Variants in KLHL2 observed in about 807,000 individuals in gnomAD.
The protein encoded by KLHL2 is kelch like family member 2, also known as kelch-like protein 2.
Under a neutral mutation model 75.8 loss-of-function variants are expected in KLHL2, and 15 were observed. The observed-to-expected ratio is 0.20, with a 90% confidence interval of 0.13 to 0.30. The LOEUF (loss-of-function observed/expected upper bound fraction) is 0.30. KLHL2 is among the 10% of genes least tolerant of loss of function. The probability of loss-of-function intolerance (pLI) is 1.00; values close to 1 mark genes in which losing one functional copy is unlikely to be tolerated. For missense variants in KLHL2, 381 were observed against 741.0 expected, an observed-to-expected ratio of 0.51 and a Z score of 5.64; for synonymous variants, 214 against 251.9, an observed-to-expected ratio of 0.85 and a Z score of 1.42.
At chr4:165,246,515 G>T (rs1298640582) in intron 4 of KLHL2, among the ~76,000 whole-genome samples, 1 of 152,072 alleles carries the variant, frequency 6.6e-6, no homozygotes, top group African/African-American at 2.4e-5. Context: ...AGTGGCTTGG[G>T]CCTGGGTTGT....
chr4:165,218,220 G>A (rs540690241), intron 1 of KLHL2, among the ~76,000 whole-genome samples: 20 of 152,248 alleles, frequency 1.3e-4, no homozygotes, highest in Non-Finnish European at 2.1e-4. Context: ...GAAAACGTAA[G>A]TCGGATTGTA....
chr4:165,240,567 T>C (rs1456168319), intron 4 of KLHL2: 1 of 149,624 alleles, frequency 6.7e-6, no homozygotes, highest in Non-Finnish European at 1.5e-5. Flanking sequence ...TGGAAGAAAG[T>C]GTTTGGTATA....
At chr4:165,255,575 T>A (rs1741096957) in intron 4 of KLHL2, among the ~76,000 whole-genome samples, 1 of 152,120 alleles carries the variant, frequency 6.6e-6, no homozygotes, top group East Asian at 1.9e-4. Flanking sequence ...AGGAAATGTT[T>A]GTCCTTGGCA....
chr4:165,248,184 G>A (rs1394457455), intron 4 of KLHL2, among the ~76,000 whole-genome samples: 1 of 152,208 alleles, frequency 6.6e-6, no homozygotes, highest in Non-Finnish European at 1.5e-5. Context: ...TTGAGAAAGA[G>A]TGGAGGAGGA....
chr4:165,279,220 G>A (rs1193996289), intron 5 of KLHL2: 2 of 1,527,488 alleles, frequency 1.3e-6, no homozygotes, highest in Admixed American at 3.3e-5. Context: ...TAAGTGGAAG[G>A]CCTGTCTTGG....
chr4:165,311,807 CTCTGTGTGTGTG>C (rs764835577), intron 11 of KLHL2, among the ~76,000 whole-genome samples: 19 of 111,724 alleles, frequency 1.7e-4, no homozygotes, highest in African/African-American at 7.6e-4. Context: ...CCTCCTTTCT[CTCTGTGTGTGTG>C]TGTGTGTGTG....
intron 11 of KLHL2, 77 bp downstream of exon 11, chr4:165,311,642 A>C: frequency 2.0e-6 from 2 of 982,324 alleles, no homozygotes; most frequent in South Asian, 2.9e-5. Context: ...TCTCAACTTT[A>C]GTTTTCTGAA....
chr4:165,312,634 C>G (rs1331148959), intron 11 of KLHL2, among the ~76,000 whole-genome samples: 4 of 152,304 alleles, frequency 2.6e-5, no homozygotes, highest in Non-Finnish European at 5.9e-5. Context: ...AATCCTGCTT[C>G]CCTTGGCTCT....
At chr4:165,311,979 T>C (rs1464277664) in intron 11 of KLHL2, among the ~76,000 whole-genome samples, 6 of 151,902 alleles carry the variant, frequency 3.9e-5, no homozygotes, top group African/African-American at 1.5e-4. Context: ...CAGGGGTGGG[T>C]TGGGGGGATG....
In KLHL2 at chr4:165,247,999, A is replaced by C. The variant is rs552888117; in HGVS notation, c.381+9100A>C. ...TATTGCCACAAAAATGCCACAGAAC[A>C]AAGTATGCCAAAGCTCAGTGGCTTA... On this transcript the variant is annotated intron_variant, in intron 4 of 14. Transcript: ENST00000226725. Among the ~76,000 whole-genome samples the C allele has an allele frequency of 1.6e-4, 25 of 152,350 alleles. No individual in the cohort carries two copies. In the East Asian group the frequency reaches 2.5e-3, roughly 15 times the overall value.
intron 4 of KLHL2, among the ~76,000 whole-genome samples, chr4:165,245,350 A>G (rs1351541690): frequency 6.6e-6 from 1 of 152,196 alleles, no homozygotes; most frequent in Non-Finnish European, 1.5e-5. Flanking sequence ...TGGTGGTAGC[A>G]TATACTCTTA....
At chr4:165,251,564 G>A (rs1740698856) in intron 4 of KLHL2, among the ~76,000 whole-genome samples, 1 of 151,254 alleles carries the variant, frequency 6.6e-6, no homozygotes, top group African/African-American at 2.4e-5. Context: ...TAGTATAAGA[G>A]CATCTTATAA....
chr4:165,318,720 A>G (rs1056458377), intron 14 of KLHL2, among the ~76,000 whole-genome samples: 3 of 151,904 alleles, frequency 2.0e-5, no homozygotes, highest in Non-Finnish European at 4.4e-5. Flanking sequence ...CGTACAGTTG[A>G]CCCTTGGACA....
intron 5 of KLHL2, among the ~76,000 whole-genome samples, chr4:165,264,743 T>TATATAC (rs1742082759): frequency 3.2e-5 from 2 of 61,736 alleles, no homozygotes; most frequent in Admixed American, 3.3e-4. Context: ...TATATATGTA[T>TATATAC]ATATATATAT....
intron 4 of KLHL2, among the ~76,000 whole-genome samples, chr4:165,252,908 CTG>C (rs1422387086): frequency 6.6e-6 from 1 of 152,194 alleles, no homozygotes; most frequent in African/African-American, 2.4e-5. Context: ...CCCTCAGTAT[CTG>C]TGGGAGTTTG....
At chr4:165,246,928 T>C (rs1416545257) in intron 4 of KLHL2, among the ~76,000 whole-genome samples, 1 of 152,080 alleles carries the variant, frequency 6.6e-6, no homozygotes, top group Admixed American at 6.5e-5. Context: ...AGACATAATC[T>C]GGGGCATTCC....
chr4:165,267,522 G>T (rs1483567905), intron 5 of KLHL2, among the ~76,000 whole-genome samples: 1 of 152,132 alleles, frequency 6.6e-6, no homozygotes, highest in Non-Finnish European at 1.5e-5. Flanking sequence ...TTAGCATGAA[G>T]GGCTGTTGAA....
At chr4:165,232,403 G>A (rs1278180778) in intron 3 of KLHL2, among the ~76,000 whole-genome samples, 1 of 151,012 alleles carries the variant, frequency 6.6e-6, no homozygotes, top group Admixed American at 6.6e-5. Flanking sequence ...ATCCAGCCTG[G>A]GCGACAGAGC....
intron 5 of KLHL2, among the ~76,000 whole-genome samples, chr4:165,288,358 C>G (rs2126461550): frequency 6.6e-6 from 1 of 152,188 alleles, no homozygotes; most frequent in Non-Finnish European, 1.5e-5. Context: ...AAGAGTCATC[C>G]TTTCACCCTT....
Sources: allele counts gnomAD v4.1 joint callset (sites outside exome capture counted in the v4.1 genomes callset), GRCh38; gene constraint gnomAD v4.1.1; transcripts MANE v1.5; gene names NCBI Gene and HGNC (gene_info 2026-07-23, HGNC 2026-07-21).